ANO10: variants seen among roughly 807,000 people sequenced by gnomAD.
ANO10 encodes the protein anoctamin 10.
A neutral mutation model predicts 74.7 loss-of-function variants in ANO10; 77 were observed. The observed-to-expected ratio is 1.03, with a 90% CI of 0.86 to 1.25. The LOEUF (loss-of-function observed/expected upper bound fraction) is 1.25. Among genes scored for constraint, ANO10 ranks in the 50% most tolerant of loss-of-function variants. The pLI is 0.00. For missense variants in ANO10, 721 were observed against 778.1 expected (o/e 0.93, Z 0.87); for synonymous variants, 279 against 284.9 (o/e 0.98, Z 0.21).
At chr3:43,400,717 C>A (rs1051277020) in intron 12 of ANO10, among the ~76,000 whole-genome samples, 1 of 152,098 alleles carries the variant, frequency 6.6e-6, no homozygotes, top group African/African-American at 2.4e-5. Context: ...GAGTCTAAGG[C>A]TGCAGTGAGC....
chr3:43,672,874 T>A (rs1164191424), intron 1 of ANO10, among the ~76,000 whole-genome samples: 1 of 152,226 alleles, frequency 6.6e-6, no homozygotes, highest in Admixed American at 6.5e-5. Context: ...ATTGACAATT[T>A]CTGTGGTATA....
At chr3:43,555,070 C>G (rs2079673042) in intron 10 of ANO10, among the ~76,000 whole-genome samples, 1 of 152,130 alleles carries the variant, frequency 6.6e-6, no homozygotes, top group Non-Finnish European at 1.5e-5. Context: ...TTATATTTAT[C>G]TCCCCTAACC....
chr3:43,565,764 C>G, intron 7 of ANO10, 37 bp from the exon 8 acceptor site: 1 of 1,532,610 alleles, frequency 6.5e-7, no homozygotes, highest in Non-Finnish European at 8.8e-7. Context: ...AAGTGTTAAG[C>G]ACTGCTTTAG....
chr3:43,677,691 C>T (rs569212691), intron 1 of ANO10, among the ~76,000 whole-genome samples: 3 of 152,334 alleles, frequency 2.0e-5, no homozygotes, highest in East Asian at 1.9e-4. Flanking sequence ...AAAGCCTTCA[C>T]TCATAAGTCT....
At chr3:43,565,502 A>C in intron 8 of ANO10, 151 bp downstream of exon 8, 1 of 735,918 alleles carries the variant, frequency 1.4e-6, no homozygotes, top group Non-Finnish European at 2.2e-6. Context: ...TGCCATTCCT[A>C]ATAATTTTTT....
chr3:43,490,858 ACT>A lies in ANO10; in HGVS notation c.1798-58133_1798-58132del, dbSNP rs1190896458. On this transcript the variant is annotated intron_variant, in intron 11 of 12. Transcript: ENST00000292246. ...TCAGGTGATGGTCAGGCGGTTGCTG[ACT>A]CTCTTTCTAAAATAATAATTGGCCA... is the stretch of plus-strand genomic sequence containing the variant. Among the ~76,000 whole-genome samples, 6 of 152,008 alleles carry A rather than the reference ACT, an allele frequency of 3.9e-5. No individual in the cohort carries two copies. In the East Asian group the frequency reaches 9.7e-4, roughly 24 times the overall value.
intron 11 of ANO10, chr3:43,484,918 T>TC: frequency 4.1e-6 from 3 of 728,298 alleles, no homozygotes; most frequent in Non-Finnish European, 6.7e-6. Flanking sequence ...CTTTTTTTTT[T>TC]CACCGGGGCG....
chr3:43,380,981 C>G (rs1487897164), intron 12 of ANO10, among the ~76,000 whole-genome samples: 1 of 152,154 alleles, frequency 6.6e-6, no homozygotes, highest in African/African-American at 2.4e-5. Flanking sequence ...GAAGGGGAAG[C>G]AAATACGTCC....
At chr3:43,625,269 G>A (rs751159598), upstream of ANO10, among the ~76,000 whole-genome samples, 10 of 152,146 alleles carry the variant, frequency 6.6e-5, no homozygotes, top group Non-Finnish European at 1.3e-4. Context: ...GGCTTCTCTC[G>A]GACATTTTGC....
chr3:43,672,489 C>T (rs907099557), intron 1 of ANO10, among the ~76,000 whole-genome samples: 2 of 152,162 alleles, frequency 1.3e-5, no homozygotes, highest in Admixed American at 1.3e-4. Flanking sequence ...TGTAATTGCA[C>T]CACTGCACTC....
chr3:43,371,661 C>A (rs148978901), intron 12 of ANO10, among the ~76,000 whole-genome samples: 1 of 152,186 alleles, frequency 6.6e-6, no homozygotes, highest in Admixed American at 6.5e-5. Context: ...GCTGTGCACA[C>A]ACCCCTTATT....
At chr3:43,374,111 T>A (rs559918475) in intron 12 of ANO10, among the ~76,000 whole-genome samples, 2 of 152,284 alleles carry the variant, frequency 1.3e-5, no homozygotes, top group South Asian at 4.1e-4. Flanking sequence ...GCTGTGGGGC[T>A]CAGGTCCATG....
intron 1 of ANO10, among the ~76,000 whole-genome samples, chr3:43,627,170 G>T (rs532485989): frequency 3.3e-5 from 5 of 152,288 alleles, no homozygotes; most frequent in African/African-American, 1.2e-4. Flanking sequence ...CCAGTTTCAG[G>T]GTTTGATTTC....
At chr3:43,464,421 T>C (rs1169632905) in intron 11 of ANO10, among the ~76,000 whole-genome samples, 1 of 152,218 alleles carries the variant, frequency 6.6e-6, no homozygotes, top group Non-Finnish European at 1.5e-5. Context: ...GGCTCACATC[T>C]GTAATCCTAG....
chr3:43,682,922 G>A (rs906907528), intron 1 of ANO10, among the ~76,000 whole-genome samples: 10 of 152,110 alleles, frequency 6.6e-5, no homozygotes, highest in African/African-American at 1.9e-4. Flanking sequence ...GTATTGACGG[G>A]ACATATCTCA....
At chr3:43,552,722 ATATATATGTATGTATG>A (rs1477876797) in intron 10 of ANO10, among the ~76,000 whole-genome samples, 19 of 100,468 alleles carry the variant, frequency 1.9e-4, no homozygotes, top group Middle Eastern at 4.5e-3. Context: ...ATATATATAT[ATATATATGTATGTATG>A]TATGTATGTA....
At chr3:43,469,644 G>T (rs1446665454) in intron 11 of ANO10, among the ~76,000 whole-genome samples, 1 of 152,108 alleles carries the variant, frequency 6.6e-6, no homozygotes, top group Non-Finnish European at 1.5e-5. Flanking sequence ...CACAGTCAAA[G>T]GTTTCTTCTC....
intron 11 of ANO10, among the ~76,000 whole-genome samples, chr3:43,523,303 T>C (rs2078040823): frequency 6.6e-6 from 1 of 152,150 alleles, no homozygotes; most frequent in Non-Finnish European, 1.5e-5. Flanking sequence ...CGGAAAGAGC[T>C]GCATGATTTC....
Position 43,366,418 on chromosome 3 carries a change from C to A in ANO10, c.*488G>T. On this transcript the variant is annotated 3_prime_UTR_variant, in exon 13 of 13. Transcript: ENST00000292246. ...CTGTTAATGTATTGCAAAAGAGAACCAGGAAAGAGGTCCAGTGTGGGAAGC... is the reference window on the plus strand; with the variant it reads ...CTGTTAATGTATTGCAAAAGAGAACAAGGAAAGAGGTCCAGTGTGGGAAGC... The A allele has an allele frequency of 8.7e-6, 2 of 231,094 alleles. No individual in the cohort carries two copies. The highest frequency in any genetic ancestry group is 5.1e-5 in the Admixed American group (1 of 19,498). 14.3% of individuals were successfully genotyped at this position (231,094 alleles called of 1,614,324 possible).
Sources: allele counts gnomAD v4.1 joint callset (sites outside exome capture counted in the v4.1 genomes callset), GRCh38; gene constraint gnomAD v4.1.1; transcripts MANE v1.5; gene names NCBI Gene and HGNC (gene_info 2026-07-23, HGNC 2026-07-21).